RBBP8: variants seen among roughly 807,000 people sequenced by gnomAD.
RBBP8 encodes DNA endonuclease RBBP8.
Under a neutral mutation model 108.3 loss-of-function variants are expected in RBBP8, and 88 were observed. The observed-to-expected ratio is 0.81, with a 90% CI of 0.68 to 0.97. The LOEUF is 0.97. Among genes scored for constraint, RBBP8 ranks in the 50% least tolerant of loss-of-function variants. The probability of loss-of-function intolerance (pLI) is 0.00; values close to 1 mark genes in which losing one functional copy is unlikely to be tolerated. For missense variants in RBBP8, 1,023 were observed against 1,049.0 expected (o/e 0.98, Z 0.34); for synonymous variants, 332 against 348.2 (o/e 0.95, Z 0.52).
At chr18:22,932,051 T>C (rs370171045), upstream of RBBP8, among the ~76,000 whole-genome samples, 110 of 152,172 alleles carry the variant, frequency 7.2e-4, 1 homozygote, top group South Asian at 0.012. Flanking sequence ...GTAAGTAAAA[T>C]TGGACTGCGT....
chr18:23,001,731 T>A lies in RBBP8; in HGVS notation c.2287+2T>A. 6.2e-7 allele frequency: 1 copy of A among 1,614,122 alleles called. No individual in the cohort carries two copies. The highest frequency in any genetic ancestry group is 8.5e-7 in the Non-Finnish European group (1 of 1,179,986). On this transcript the variant is annotated splice_donor_variant, in intron 15 of 18. Transcript: ENST00000327155. LOFTEE classifies it high-confidence loss of function. Reference sequence around the variant, plus strand: ...CTACTGCCACAAAGAAACTACACAGTAAGATTTTTTTCTGTTTAATTATGG... The same window carrying A: ...CTACTGCCACAAAGAAACTACACAGAAAGATTTTTTTCTGTTTAATTATGG...
At position 22,971,722 on chromosome 18, in the gene RBBP8, T is replaced by C. The variant is rs146329562; in HGVS notation, c.361+2804T>C. Among the ~76,000 whole-genome samples the C allele has an allele frequency of 1.2e-3, 173 of 147,066 alleles. 1 individual carries two copies. Among genetic ancestry groups the C allele is most frequent in the African/African-American group, 4.0e-3 (160 of 39,880 alleles). ...GTGCAGTGGCGTCATCTCTGCTCAC[T>C]GCAACCTCTGCCTTCCAGGTTCAAG... On this transcript the variant is annotated intron_variant, in intron 5 of 18. Coordinates refer to ENST00000327155, the MANE Select transcript of RBBP8 (RefSeq NM_002894.3).
intron 12 of RBBP8, among the ~76,000 whole-genome samples, chr18:22,994,371 G>A (rs116845624): frequency 3.4e-5 from 5 of 149,098 alleles, no homozygotes; most frequent in Non-Finnish European, 7.4e-5. Flanking sequence ...GGCCCGGTAC[G>A]GTGGCTCACA....
At chr18:23,004,056 CAAAAAAAAAAAA>C (rs34653966) in intron 15 of RBBP8, among the ~76,000 whole-genome samples, 21,240 of 69,938 alleles carry the variant, frequency 0.3, 2,332 homozygotes, top group African/African-American at 0.43. Flanking sequence ...GACCCCGTCT[CAAAAAAAAAAAA>C]AAAAAAAAAA....
At chr18:22,985,714 T>C (rs1340822187) in intron 8 of RBBP8, among the ~76,000 whole-genome samples, 1 of 152,106 alleles carries the variant, frequency 6.6e-6, no homozygotes, top group Non-Finnish European at 1.5e-5. Context: ...AATATTCTGT[T>C]TGAAATGCAA....
chr18:22,922,612 A>G (rs1478161165), intron 3 of RBBP8, among the ~76,000 whole-genome samples: 2 of 152,070 alleles, frequency 1.3e-5, no homozygotes, highest in African/African-American at 4.8e-5. Flanking sequence ...ATAGGCACGC[A>G]TAACCATGCC....
chr18:22,961,690 G>C (rs563182490), intron 4 of RBBP8, among the ~76,000 whole-genome samples: 2 of 152,136 alleles, frequency 1.3e-5, no homozygotes, highest in African/African-American at 4.8e-5. Flanking sequence ...AAGCTCATCA[G>C]CTATCATTAG....
chr18:23,012,524 C>T (rs2046186048), intron 16 of RBBP8, among the ~76,000 whole-genome samples: 2 of 151,978 alleles, frequency 1.3e-5, no homozygotes, highest in South Asian at 4.1e-4. Flanking sequence ...AAACCAGCCA[C>T]CGCATTCCTT....
At chr18:22,917,203 T>C (rs1319149453) in intron 3 of RBBP8, among the ~76,000 whole-genome samples, 1 of 152,230 alleles carries the variant, frequency 6.6e-6, no homozygotes, top group East Asian at 1.9e-4. Context: ...AAATCCTACC[T>C]GGAAAATGCT....
intron 6 of RBBP8, among the ~76,000 whole-genome samples, chr18:22,976,630 T>C (rs1914516944): frequency 6.6e-6 from 1 of 152,132 alleles, no homozygotes; most frequent in South Asian, 2.1e-4. Flanking sequence ...TGTATTACTT[T>C]CATTTTTTTT....
At chr18:22,977,759 G>A (rs761386088) in intron 6 of RBBP8, 1 of 152,088 alleles carries the variant, frequency 6.6e-6, no homozygotes, top group East Asian at 1.9e-4. Flanking sequence ...CTGCTTATAA[G>A]TTATATTTCT....
At chr18:22,916,086 G>A (rs1047706307) in intron 2 of RBBP8, among the ~76,000 whole-genome samples, 1 of 152,066 alleles carries the variant, frequency 6.6e-6, no homozygotes, top group East Asian at 1.9e-4. Context: ...CAAATTAGGA[G>A]TGTGTATGTA....
chr18:23,016,922 A>G lies in RBBP8; in HGVS notation c.2452A>G (p.Ile818Val), dbSNP rs1253954123. The G allele has an allele frequency of 1.2e-6, 2 of 1,606,836 alleles. No homozygotes were observed. The highest frequency in any genetic ancestry group is 8.5e-7 in the Non-Finnish European group (1 of 1,173,614). The change falls in exon 17 of 19, where the codon ATT (isoleucine) becomes GTT (valine). Residue 818 changes from isoleucine (I) to valine (V), a missense_variant and splice_region_variant. Transcript: ENST00000327155. The stretch of plus-strand genomic sequence containing the variant: ...TGGGCACACGTGTAAGGAATGTGAA[A>G]TTGTAAGTACTAATGTAGATACTAA... ...LLGHTCKECE[I>V]YYADMPAEER...
chr18:22,933,772 G>C (rs988415711), intron 1 of RBBP8: 5 of 152,138 alleles, frequency 3.3e-5, no homozygotes, highest in African/African-American at 4.8e-5. Flanking sequence ...ACTACTTCTG[G>C]GTCTCCCGCG....
chr18:23,024,178 C>T (rs1225947615), intron 18 of RBBP8, among the ~76,000 whole-genome samples: 2 of 151,522 alleles, frequency 1.3e-5, no homozygotes, highest in Non-Finnish European at 2.9e-5. Context: ...AGCCACCACG[C>T]CCGGCCTGAA....
intron 7 of RBBP8, among the ~76,000 whole-genome samples, chr18:22,984,407 A>G (rs1332608663): frequency 1.3e-5 from 2 of 152,164 alleles, no homozygotes; most frequent in African/African-American, 4.8e-5. Context: ...TATTTGAGAT[A>G]GGGTCTCACT....
At chr18:22,940,151 T>C (rs1263929786) in intron 2 of RBBP8, among the ~76,000 whole-genome samples, 1 of 152,102 alleles carries the variant, frequency 6.6e-6, no homozygotes, top group East Asian at 1.9e-4. Context: ...GCCTTGACTT[T>C]AGGACAGATT....
At chr18:22,958,083 G>T (rs1031424305) in intron 4 of RBBP8, among the ~76,000 whole-genome samples, 1 of 151,968 alleles carries the variant, frequency 6.6e-6, no homozygotes, top group Admixed American at 6.6e-5. Context: ...TCACTTTTCC[G>T]CTCTTTCTAC....
At chr18:22,951,988 A>T (rs149543345) in intron 4 of RBBP8, among the ~76,000 whole-genome samples, 1 of 152,298 alleles carries the variant, frequency 6.6e-6, no homozygotes, top group East Asian at 1.9e-4. Flanking sequence ...AGAACTAGAG[A>T]CAAAAGGAAA....
Sources: allele counts gnomAD v4.1 joint callset (sites outside exome capture counted in the v4.1 genomes callset), GRCh38; gene constraint gnomAD v4.1.1; transcripts MANE v1.5; gene names NCBI Gene and HGNC (gene_info 2026-07-23, HGNC 2026-07-21).